Variants in SCLT1 observed in about 807,000 individuals in gnomAD.
The protein encoded by SCLT1 is sodium channel-associated protein 1.
A neutral mutation model predicts 112.8 loss-of-function variants in SCLT1; 78 were observed. The ratio of observed to expected loss-of-function variants is 0.69; its 90% confidence interval spans 0.58 to 0.83. SCLT1 has a LOEUF of 0.83. SCLT1 is among the 40% of genes least tolerant of loss of function. The pLI, the probability that SCLT1 is intolerant of heterozygous loss-of-function variation, is 0.00. For synonymous variants in SCLT1, 257 were observed against 254.7 expected, an observed-to-expected ratio of 1.01 and a Z score of -0.09; for missense variants, 747 against 770.4, an observed-to-expected ratio of 0.97 and a Z score of 0.36.
intron 18 of SCLT1, among the ~76,000 whole-genome samples, chr4:128,914,984 G>C (rs1735367650): frequency 6.6e-6 from 1 of 151,538 alleles, no homozygotes; most frequent in Admixed American, 6.6e-5. Context: ...CTCATAAAGG[G>C]GCACGGCATA....
chr4:128,877,640 C>T (rs1176741014), intron 3 of SCLT1, among the ~76,000 whole-genome samples: 2 of 151,850 alleles, frequency 1.3e-5, no homozygotes, highest in Admixed American at 1.3e-4. Context: ...GAGATTGTGC[C>T]ACTGCCCTCC....
At chr4:128,924,953 C>T (rs574932908) in intron 18 of SCLT1, among the ~76,000 whole-genome samples, 1,904 of 152,224 alleles carry the variant, frequency 0.013, 56 homozygotes, top group African/African-American at 0.044. Context: ...CCTTCCCTTT[C>T]TCCCTCACTC....
chr4:129,038,904 C>A, intron 5 of SCLT1, 137 bp downstream of exon 5: 1 of 654,308 alleles, frequency 1.5e-6, no homozygotes, highest in Non-Finnish European at 2.8e-6. Flanking sequence ...AGTAATCGAG[C>A]CAGGAGTCAA....
At chr4:128,997,185 A>C (rs1395191749) in intron 8 of SCLT1, 1 of 151,958 alleles carries the variant, frequency 6.6e-6, no homozygotes, top group Admixed American at 6.6e-5. Context: ...TTTAAAGTAG[A>C]ATAAAATTGG....
At chr4:128,876,654 G>C (rs1732527893) in intron 3 of SCLT1, 1 of 152,242 alleles carries the variant, frequency 6.6e-6, no homozygotes, top group Admixed American at 6.5e-5. Flanking sequence ...TTGAAAAAGA[G>C]GATAAAGGCA....
At chr4:128,890,035 G>A (rs1733190592) in intron 19 of SCLT1, among the ~76,000 whole-genome samples, 1 of 152,098 alleles carries the variant, frequency 6.6e-6, no homozygotes, top group South Asian at 2.1e-4. Context: ...ATATTGGCTG[G>A]TCCAATTTAC....
chr4:128,906,239 C>G (rs1390032812), intron 18 of SCLT1, among the ~76,000 whole-genome samples: 1 of 152,132 alleles, frequency 6.6e-6, no homozygotes, highest in African/African-American at 2.4e-5. Context: ...GCTCTGTCGC[C>G]CAGGCTGGAG....
chr4:129,050,578 G>A (rs115222555), intron 2 of SCLT1, among the ~76,000 whole-genome samples: 5,809 of 151,154 alleles, frequency 0.038, 181 homozygotes, highest in Middle Eastern at 0.11. Context: ...TTTTGATGGG[G>A]TCATTTTTTT....
intron 5 of SCLT1, among the ~76,000 whole-genome samples, chr4:129,032,318 C>A (rs986696505): frequency 2.0e-5 from 3 of 152,068 alleles, no homozygotes; most frequent in African/African-American, 7.2e-5. Flanking sequence ...CCCTTCCTTA[C>A]ACCTTATACA....
At chr4:128,986,760 C>T (rs1410301455) in intron 9 of SCLT1, among the ~76,000 whole-genome samples, 1 of 152,190 alleles carries the variant, frequency 6.6e-6, no homozygotes, top group East Asian at 1.9e-4. Context: ...TAGCAGAATT[C>T]ATGCCCTGCT....
chr4:129,020,014 G>A (rs1372348869), intron 5 of SCLT1, among the ~76,000 whole-genome samples: 1 of 152,088 alleles, frequency 6.6e-6, no homozygotes, highest in East Asian at 1.9e-4. Flanking sequence ...TCCTTAAGCA[G>A]AGAATATAAA....
At chr4:128,948,334 G>GC (rs1738374204) in intron 15 of SCLT1, among the ~76,000 whole-genome samples, 162 bp downstream of exon 15, 1 of 35,830 alleles carries the variant, frequency 2.8e-5, no homozygotes, top group South Asian at 9.2e-4. Flanking sequence ...AGACTCCATT[G>GC]CAAAAAAAAA....
In SCLT1 at chr4:128,897,202, A is replaced by C. The variant is rs1456159204; in HGVS notation, c.1830-6065T>G. ...ACAAAGATACTCCTCAAGAACAGCA[A>C]CTCCAAGACACATAATTGTCAGATT... On this transcript the variant is annotated intron_variant, in intron 18 of 20. Transcript: ENST00000281142. Among the ~76,000 whole-genome samples the C allele has an allele frequency of 2.6e-5, 4 of 152,204 alleles. No homozygotes were observed. The East Asian group carries it at 7.7e-4, about 29-fold the overall frequency.
intron 14 of SCLT1, among the ~76,000 whole-genome samples, chr4:128,950,427 T>C (rs2126000126): frequency 6.6e-6 from 1 of 152,284 alleles, no homozygotes; most frequent in South Asian, 2.1e-4. Context: ...TAGAGAGAAT[T>C]ACCATACTAA....
At chr4:128,933,968 T>C (rs1736981988) in intron 18 of SCLT1, among the ~76,000 whole-genome samples, 1 of 152,074 alleles carries the variant, frequency 6.6e-6, no homozygotes, top group Admixed American at 6.5e-5. Flanking sequence ...CTATGTTTAA[T>C]ATCACTTGAA....
chr4:128,935,055 A>G (rs750901483), intron 18 of SCLT1, among the ~76,000 whole-genome samples: 6 of 151,978 alleles, frequency 3.9e-5, no homozygotes, highest in Non-Finnish European at 7.4e-5. Context: ...CTTTTTCTAT[A>G]TCTATTGAAA....
At chr4:128,873,256 GA>G (rs1296724284) in intron 5 of SCLT1, 398 of 28,682 alleles carry the variant, frequency 0.014, 3 homozygotes, top group African/African-American at 0.024. Flanking sequence ...TAAGAAAAAG[GA>G]AAAAAAAAAA....
intron 18 of SCLT1, among the ~76,000 whole-genome samples, chr4:128,901,529 TG>T (rs5861871): frequency 0.78 from 104,268 of 133,610 alleles, 39,419 homozygotes; most frequent in African/African-American, 0.9. Flanking sequence ...TGTGGGGTGG[TG>T]GGGGGGGGGA....
intron 2 of SCLT1, among the ~76,000 whole-genome samples, chr4:129,081,254 C>G (rs988982545): frequency 6.6e-6 from 1 of 152,206 alleles, no homozygotes; most frequent in Non-Finnish European, 1.5e-5. Flanking sequence ...CCCTTCCTAC[C>G]CCTCCCATAT....
Sources: allele counts gnomAD v4.1 joint callset (sites outside exome capture counted in the v4.1 genomes callset), GRCh38; gene constraint gnomAD v4.1.1; transcripts MANE v1.5; gene names NCBI Gene and HGNC (gene_info 2026-07-23, HGNC 2026-07-21).